The following MYO1E variants were observed in gnomAD, a reference collection of about 807,000 sequenced individuals.
The protein encoded by MYO1E is unconventional myosin-Ie.
Under a neutral mutation model 151.1 loss-of-function variants are expected in MYO1E, and 68 were observed. That is an observed-to-expected ratio of 0.45 (90% CI 0.37 to 0.55). MYO1E has a LOEUF of 0.55. Ranked by LOEUF, MYO1E falls within the 20% of genes least tolerant of loss-of-function variation. The probability of loss-of-function intolerance (pLI) is 0.00; values close to 1 mark genes in which losing one functional copy is unlikely to be tolerated. For missense variants in MYO1E, 1,363 were observed against 1,389.3 expected, an observed-to-expected ratio of 0.98 and a Z score of 0.30; for synonymous variants, 601 against 501.7, an observed-to-expected ratio of 1.20 and a Z score of -2.64.
intron 1 of MYO1E, chr15:59,341,217 T>C (rs1015264132): frequency 6.6e-6 from 1 of 152,142 alleles, no homozygotes; most frequent in Admixed American, 6.5e-5. Flanking sequence ...TTTCAAAAAA[T>C]CCAGTAATAC....
chr15:59,254,449 C>G (rs1370814434), intron 4 of MYO1E, among the ~76,000 whole-genome samples: 1 of 152,152 alleles, frequency 6.6e-6, no homozygotes, highest in Non-Finnish European at 1.5e-5. Context: ...CCCTGGCTTC[C>G]CAAAGTGCTA....
intron 14 of MYO1E, chr15:59,208,363 T>C (rs1226473750): frequency 9.0e-6 from 5 of 555,344 alleles, no homozygotes; most frequent in Non-Finnish European, 1.6e-5. Context: ...AAGTAGGATG[T>C]AGGTATTTAT....
intron 1 of MYO1E, among the ~76,000 whole-genome samples, chr15:59,337,692 C>T (rs28363891): frequency 0.14 from 21,252 of 152,006 alleles, 1,692 homozygotes; most frequent in East Asian, 0.29. Context: ...ATTAGCCGGG[C>T]GTGGTGGTTT....
At chr15:59,287,248 T>C (rs2080392726) in intron 1 of MYO1E, among the ~76,000 whole-genome samples, 1 of 152,200 alleles carries the variant, frequency 6.6e-6, no homozygotes, top group Admixed American at 6.5e-5. Flanking sequence ...GCTAGGGGCT[T>C]GTCTCTCGGA....
chr15:59,188,533 T>G (rs1276123996), intron 17 of MYO1E, among the ~76,000 whole-genome samples: 2 of 151,692 alleles, frequency 1.3e-5, no homozygotes, highest in Non-Finnish European at 2.9e-5. Flanking sequence ...CTGTCTCTAT[T>G]AAAAATAAAA....
intron 1 of MYO1E, among the ~76,000 whole-genome samples, chr15:59,276,317 T>C (rs1184753337): frequency 6.6e-6 from 1 of 151,958 alleles, no homozygotes; most frequent in African/African-American, 2.4e-5. Flanking sequence ...TCCCTTTTGC[T>C]CCCCCCACTA....
At chr15:59,144,355 C>T (rs546937545) in intron 26 of MYO1E, among the ~76,000 whole-genome samples, 73 of 152,032 alleles carry the variant, frequency 4.8e-4, no homozygotes, top group African/African-American at 1.6e-3. Context: ...TTAGTAGACA[C>T]GGGGTTTCAC....
chr15:59,335,374 T>C (rs1387333638), intron 1 of MYO1E, among the ~76,000 whole-genome samples: 1 of 152,192 alleles, frequency 6.6e-6, no homozygotes, highest in Non-Finnish European at 1.5e-5. Flanking sequence ...TGCTACAGTA[T>C]GAGATGTAAT....
At chr15:59,206,914 C>G in intron 14 of MYO1E, 1 of 1,592,528 alleles carries the variant, frequency 6.3e-7, no homozygotes, top group Non-Finnish European at 8.6e-7. Flanking sequence ...TTTCCATTCT[C>G]TCTCTCCACT....
At chr15:59,252,044 A>C (rs2080168119) in intron 4 of MYO1E, among the ~76,000 whole-genome samples, 1 of 152,276 alleles carries the variant, frequency 6.6e-6, no homozygotes, top group Admixed American at 6.5e-5. Flanking sequence ...TTGCTAATGT[A>C]ATCAGGAACT....
chr15:59,319,986 T>C (rs557549918), intron 1 of MYO1E, among the ~76,000 whole-genome samples: 2 of 152,192 alleles, frequency 1.3e-5, no homozygotes, highest in South Asian at 4.1e-4. Context: ...AAGTTCACGA[T>C]ACAATATCAG....
At chr15:59,235,240 C>A in intron 5 of MYO1E, among the ~76,000 whole-genome samples, 2 of 152,256 alleles carry the variant, frequency 1.3e-5, no homozygotes, top group Middle Eastern at 3.4e-3. Flanking sequence ...GTTCACATAG[C>A]TCAAACCATG....
intron 1 of MYO1E, among the ~76,000 whole-genome samples, chr15:59,283,264 T>TAC: frequency 1.3e-5 from 2 of 152,196 alleles, no homozygotes; most frequent in South Asian, 4.1e-4. Context: ...TTTCTGTGCA[T>TAC]ACCATGCTGT....
At chr15:59,353,369 A>AAAAAAGAAAAGAAAAG (rs1178465167) in intron 1 of MYO1E, among the ~76,000 whole-genome samples, 13 of 96,884 alleles carry the variant, frequency 1.3e-4, no homozygotes, top group African/African-American at 5.5e-4. Context: ...AAAAAAAAAA[A>AAAAAAGAAAAGAAAAG]AAAAGAAAAG....
intron 1 of MYO1E, among the ~76,000 whole-genome samples, chr15:59,347,373 C>T (rs531433400): frequency 3.3e-5 from 5 of 152,278 alleles, no homozygotes; most frequent in Non-Finnish European, 5.9e-5. Flanking sequence ...CTGTCTTCCA[C>T]GAAACCGGTC....
intron 3 of MYO1E, among the ~76,000 whole-genome samples, chr15:59,261,028 A>G: frequency 6.6e-6 from 1 of 152,056 alleles, no homozygotes; most frequent in East Asian, 1.9e-4. Flanking sequence ...AGCCTGACCA[A>G]CATGGTGAAA....
chr15:59,170,567 T>C (rs1284078969), intron 22 of MYO1E, among the ~76,000 whole-genome samples: 1 of 149,738 alleles, frequency 6.7e-6, no homozygotes, highest in Non-Finnish European at 1.5e-5. Context: ...CTTCAGAAAA[T>C]CAGTCAGCGC....
intron 1 of MYO1E, among the ~76,000 whole-genome samples, chr15:59,364,888 GAC>G (rs1300188535): frequency 3.3e-5 from 5 of 152,020 alleles, no homozygotes; most frequent in African/African-American, 1.2e-4. Flanking sequence ...CAGCCTGGGC[GAC>G]AGAGTGAGAC....
intron 18 of MYO1E, among the ~76,000 whole-genome samples, chr15:59,183,729 T>A (rs546090050): frequency 6.6e-6 from 1 of 152,284 alleles, no homozygotes; most frequent in Admixed American, 6.5e-5. Flanking sequence ...AGTTAAATTA[T>A]ATTTGACTAT....
Sources: allele counts gnomAD v4.1 joint callset (sites outside exome capture counted in the v4.1 genomes callset), GRCh38; gene constraint gnomAD v4.1.1; transcripts MANE v1.5; gene names NCBI Gene and HGNC (gene_info 2026-07-23, HGNC 2026-07-21).